STK32A: variants seen among roughly 807,000 people sequenced by gnomAD.
STK32A encodes the protein serine/threonine-protein kinase 32A.
STK32A carries 41 observed loss-of-function variants against 53.2 expected under a neutral mutation model. The ratio of observed to expected loss-of-function variants is 0.77; its 90% confidence interval spans 0.60 to 1.00. STK32A has a LOEUF of 1.00. STK32A is among the 50% of genes least tolerant of loss of function. The probability of loss-of-function intolerance (pLI) is 0.00; values close to 1 mark genes in which losing one functional copy is unlikely to be tolerated. For missense variants in STK32A, 458 were observed against 485.8 expected, an observed-to-expected ratio of 0.94 and a Z score of 0.54; for synonymous variants, 166 against 162.8, an observed-to-expected ratio of 1.02 and a Z score of -0.15.
At chr5:147,360,879 T>G (rs1486549313) in intron 7 of STK32A, among the ~76,000 whole-genome samples, 1 of 152,162 alleles carries the variant, frequency 6.6e-6, no homozygotes, top group Non-Finnish European at 1.5e-5. Flanking sequence ...TAACTTGGGG[T>G]CCTCTCTGGG....
intron 4 of STK32A, among the ~76,000 whole-genome samples, chr5:147,303,551 C>A (rs79904010): frequency 0.032 from 4,812 of 152,248 alleles, 276 homozygotes; most frequent in African/African-American, 0.11. Context: ...TAGAAATAGG[C>A]TCCACTTCTG....
At chr5:147,242,840 T>C (rs1753634318) in intron 2 of STK32A, among the ~76,000 whole-genome samples, 2 of 152,190 alleles carry the variant, frequency 1.3e-5, no homozygotes, top group African/African-American at 4.8e-5. Flanking sequence ...TTTTGTAAAG[T>C]TCATTTGACT....
chr5:147,261,222 A>G (rs572594662), intron 2 of STK32A, among the ~76,000 whole-genome samples: 1 of 152,208 alleles, frequency 6.6e-6, no homozygotes, highest in Non-Finnish European at 1.5e-5. Flanking sequence ...TTAGTGCCAC[A>G]AAAGGAATAG....
At chr5:147,303,095 C>T (rs1187377618) in intron 4 of STK32A, among the ~76,000 whole-genome samples, 1 of 152,158 alleles carries the variant, frequency 6.6e-6, no homozygotes, top group Non-Finnish European at 1.5e-5. Flanking sequence ...CATACATACA[C>T]ATTTACACAC....
intron 7 of STK32A, among the ~76,000 whole-genome samples, chr5:147,357,424 G>T (rs962505700): frequency 6.6e-6 from 1 of 151,738 alleles, no homozygotes; most frequent in African/African-American, 2.4e-5. Context: ...TTTCTATTAA[G>T]GTGTTAATAC....
chr5:147,400,691 C>T, the STK32A span: 1 of 1,613,910 alleles, frequency 6.2e-7, no homozygotes, highest in Non-Finnish European at 8.5e-7. Context: ...CCATGCCTTA[C>T]CACAGCCTTG....
intron 2 of STK32A, among the ~76,000 whole-genome samples, chr5:147,263,798 A>T (rs1213857906): frequency 6.6e-6 from 1 of 152,166 alleles, no homozygotes; most frequent in Non-Finnish European, 1.5e-5. Context: ...GGCAATAATT[A>T]TTACATATTT....
At chr5:147,332,481 T>C (rs935866771) in intron 5 of STK32A, among the ~76,000 whole-genome samples, 1 of 152,094 alleles carries the variant, frequency 6.6e-6, no homozygotes, top group Non-Finnish European at 1.5e-5. Flanking sequence ...AGTCTAAAAA[T>C]TATCTGATTA....
intron 11 of STK32A, among the ~76,000 whole-genome samples, chr5:147,379,767 A>G (rs1287949035): frequency 6.6e-6 from 1 of 152,050 alleles, no homozygotes; most frequent in Admixed American, 6.6e-5. Flanking sequence ...ACCCCTTCCA[A>G]TATTTCAGAT....
chr5:147,391,482 T>G (rs548454587), downstream of STK32A: 3 of 152,514 alleles, frequency 2.0e-5, no homozygotes, highest in Admixed American at 2.0e-4. Context: ...GGCAGGGGCA[T>G]CCTCAGGGTT....
chr5:147,236,554 T>A (rs1753332257), intron 1 of STK32A, among the ~76,000 whole-genome samples: 1 of 152,176 alleles, frequency 6.6e-6, no homozygotes, highest in South Asian at 2.1e-4. Flanking sequence ...CTAATTTGGT[T>A]ATCCACATGG....
At chr5:147,364,948 G>T (rs746213771) in intron 8 of STK32A, among the ~76,000 whole-genome samples, 13 of 152,172 alleles carry the variant, frequency 8.5e-5, no homozygotes, top group Non-Finnish European at 1.5e-4. Flanking sequence ...AGACCAAAGA[G>T]TTGAAGACCT....
the STK32A span, chr5:147,394,060 C>T: frequency 6.3e-5 from 102 of 1,614,068 alleles, no homozygotes; most frequent in Non-Finnish European, 1.8e-5. Context: ...GATATTAGAA[C>T]GGCCGCCTGG....
intron 9 of STK32A, among the ~76,000 whole-genome samples, chr5:147,372,269 C>CTTTTTTTTTTTTTTT (rs71274369): frequency 1.2e-4 from 6 of 49,350 alleles, no homozygotes; most frequent in Admixed American, 1.2e-3. Context: ...TGGGCTTGGC[C>CTTTTTTTTTTTTTTT]TTTTTTTTTT....
chr5:147,238,380 C>G (rs1181796784), intron 1 of STK32A, among the ~76,000 whole-genome samples: 6 of 152,120 alleles, frequency 3.9e-5, no homozygotes, highest in Admixed American at 3.9e-4. Flanking sequence ...GCTTGTCACT[C>G]CTGAGGTAGA....
At chr5:147,259,788 C>T (rs1476867918) in intron 2 of STK32A, among the ~76,000 whole-genome samples, 1 of 151,524 alleles carries the variant, frequency 6.6e-6, no homozygotes, top group Non-Finnish European at 1.5e-5. Flanking sequence ...CTCTCTGTCT[C>T]TCTCTTCTCT....
rs141014554 is a variant in STK32A, at chr5:147,360,965, C to T, written c.563-552C>T. ...ACAGTTACAAAGTGTAAAGAACCCACAGCTGTTGTAAAACCTTACACTCTC... is the reference window on the plus strand; with the variant it reads ...ACAGTTACAAAGTGTAAAGAACCCATAGCTGTTGTAAAACCTTACACTCTC... On this transcript the variant is annotated intron_variant, in intron 7 of 12. Transcript: ENST00000397936. 3.8e-3 allele frequency among the ~76,000 whole-genome samples: 585 copies of T among 152,288 alleles called. 6 individuals carry two copies. The highest frequency in any genetic ancestry group is 0.014 in the African/African-American group (561 of 41,554).
intron 4 of STK32A, among the ~76,000 whole-genome samples, chr5:147,291,061 C>A (rs1752577962): frequency 6.6e-6 from 1 of 152,240 alleles, no homozygotes; most frequent in East Asian, 1.9e-4. Context: ...CTTTAAAATA[C>A]TGTCCTTGAG....
chr5:147,296,554 G>A (rs1193286992), intron 4 of STK32A, among the ~76,000 whole-genome samples: 1 of 152,068 alleles, frequency 6.6e-6, no homozygotes, highest in Non-Finnish European at 1.5e-5. Context: ...GTTCCTAGAG[G>A]AAGGTCATAT....
Sources: allele counts gnomAD v4.1 joint callset (sites outside exome capture counted in the v4.1 genomes callset), GRCh38; gene constraint gnomAD v4.1.1; transcripts MANE v1.5; gene names NCBI Gene and HGNC (gene_info 2026-07-23, HGNC 2026-07-21).